THSD7B: variants seen among roughly 807,000 people sequenced by gnomAD.
THSD7B encodes the protein thrombospondin type-1 domain-containing protein 7B.
Under a neutral mutation model 213.6 loss-of-function variants are expected in THSD7B, and 138 were observed. That is an observed-to-expected ratio of 0.65 (90% CI 0.56 to 0.74). The LOEUF (loss-of-function observed/expected upper bound fraction) is 0.74. Ranked by LOEUF, THSD7B falls within the 30% of genes least tolerant of loss-of-function variation. The pLI is 0.00. For synonymous variants in THSD7B, 742 were observed against 687.0 expected (o/e 1.08, Z -1.25); for missense variants, 1,931 against 1,991.5 (o/e 0.97, Z 0.58).
intron 3 of THSD7B, among the ~76,000 whole-genome samples, chr2:137,075,504 C>A (rs1687601594): frequency 6.6e-6 from 1 of 151,998 alleles, no homozygotes; most frequent in Non-Finnish European, 1.5e-5. Context: ...TTTTTCAAAG[C>A]TTTTAACTTC....
intron 12 of THSD7B, among the ~76,000 whole-genome samples, chr2:137,295,828 G>A (rs1028375529): frequency 2.6e-5 from 4 of 152,030 alleles, no homozygotes; most frequent in Non-Finnish European, 5.9e-5. Context: ...TAAATGCTGA[G>A]GTTCCATGGT....
intron 2 of THSD7B, among the ~76,000 whole-genome samples, chr2:136,958,033 C>A (rs916824725): frequency 2.0e-5 from 3 of 151,988 alleles, no homozygotes; most frequent in African/African-American, 7.3e-5. Context: ...ATTTGTCAAA[C>A]CTGTTTTTTT....
intron 12 of THSD7B, among the ~76,000 whole-genome samples, chr2:137,347,889 G>A (rs766701121): frequency 2.6e-5 from 4 of 151,070 alleles, no homozygotes; most frequent in African/African-American, 4.9e-5. Context: ...ATTAAAATTA[G>A]AATTGTCATG....
chr2:137,004,712 T>C (rs1686070263), intron 2 of THSD7B, among the ~76,000 whole-genome samples: 1 of 152,190 alleles, frequency 6.6e-6, no homozygotes, highest in South Asian at 2.1e-4. Flanking sequence ...CAGATAGCTA[T>C]TGGACATTTT....
intron 15 of THSD7B, among the ~76,000 whole-genome samples, chr2:137,510,692 C>T (rs1291365025): frequency 6.6e-6 from 1 of 152,080 alleles, no homozygotes; most frequent in Non-Finnish European, 1.5e-5. Context: ...ATTTCAGTGT[C>T]TCCTTTGGCT....
intron 10 of THSD7B, among the ~76,000 whole-genome samples, chr2:137,250,109 G>A (rs1682139266): frequency 6.6e-6 from 1 of 152,168 alleles, no homozygotes; most frequent in Admixed American, 6.5e-5. Flanking sequence ...AGAAAGGCAA[G>A]CTAGACAAGT....
At chr2:136,839,562 G>A (rs755890276) in intron 1 of THSD7B, among the ~76,000 whole-genome samples, 41 of 152,126 alleles carry the variant, frequency 2.7e-4, no homozygotes, top group Non-Finnish European at 3.4e-4. Flanking sequence ...GAGACTCAGA[G>A]TCTGGCATTG....
At chr2:137,575,740 A>G (rs554102194) in intron 17 of THSD7B, among the ~76,000 whole-genome samples, 1 of 148,324 alleles carries the variant, frequency 6.7e-6, no homozygotes, top group Non-Finnish European at 1.5e-5. Context: ...ATATATATAT[A>G]TATTTTTACT....
chr2:137,673,515 A>T (rs1530527), intron 27 of THSD7B, among the ~76,000 whole-genome samples: 141,130 of 152,154 alleles, frequency 0.93, 65,785 homozygotes, highest in East Asian at 0.98. Flanking sequence ...AGGGAGGTGA[A>T]CATACCTTTT....
chr2:137,397,754 CAG>C (rs1200933846), intron 12 of THSD7B, among the ~76,000 whole-genome samples: 1 of 151,778 alleles, frequency 6.6e-6, no homozygotes, highest in African/African-American at 2.4e-5. Flanking sequence ...TAATATCCTG[CAG>C]AGTGTTTTCC....
rs532979331 is a variant in THSD7B at position 137,572,544 on chromosome 2, C to A, written c.3411C>A (p.Ser1137Arg). 15 of 1,613,778 alleles carry A rather than the reference C, an allele frequency of 9.3e-6. No individual in the cohort carries two copies. The Admixed American group carries it at 2.0e-4, about 22-fold the overall frequency. The change falls in exon 17 of 28, where the codon AGC (serine) becomes AGA (arginine). Residue 1137 changes from serine (S) to arginine (R), a missense_variant. Ser to Arg is a moderately radical substitution (Grantham distance 110). Coordinates refer to ENST00000409968, the MANE Select transcript of THSD7B (RefSeq NM_001316349.2). The stretch of plus-strand genomic sequence containing the variant: ...TCATGTCTGAGTGGGGACTTTGGAG[C>A]AAATGCCCACAGGTAATTTCTCTTT... ...ECVMSEWGLW[S>R]KCPQSCDPHT...
At chr2:137,564,759 G>A (rs900156004) in intron 16 of THSD7B, among the ~76,000 whole-genome samples, 2 of 152,020 alleles carry the variant, frequency 1.3e-5, no homozygotes, top group African/African-American at 2.4e-5. Flanking sequence ...GAACAAGAAG[G>A]CCTTTCAGTC....
intron 2 of THSD7B, among the ~76,000 whole-genome samples, chr2:136,952,120 G>A (rs914160405): frequency 2.0e-5 from 3 of 152,038 alleles, no homozygotes; most frequent in African/African-American, 7.3e-5. Context: ...GTCCACCTCA[G>A]CCTCCCAAAG....
intron 17 of THSD7B, among the ~76,000 whole-genome samples, chr2:137,584,354 G>A (rs191641156): frequency 2.0e-5 from 3 of 152,242 alleles, no homozygotes; most frequent in African/African-American, 7.2e-5. Flanking sequence ...TGATTGCCTT[G>A]GCCAGAACTT....
At chr2:137,635,799 G>A (rs1317472696) in intron 20 of THSD7B, among the ~76,000 whole-genome samples, 5 of 151,882 alleles carry the variant, frequency 3.3e-5, no homozygotes, top group Non-Finnish European at 5.9e-5. Flanking sequence ...CTGCCTTCCA[G>A]GTTCAAGTGA....
chr2:137,648,701 C>T (rs950210695), intron 21 of THSD7B, among the ~76,000 whole-genome samples: 3 of 151,860 alleles, frequency 2.0e-5, no homozygotes, highest in Non-Finnish European at 2.9e-5. Context: ...AGTGCAGTTG[C>T]CTCTTCAATT....
chr2:136,971,764 AT>A (rs1233155617), intron 2 of THSD7B, among the ~76,000 whole-genome samples: 1 of 152,002 alleles, frequency 6.6e-6, no homozygotes, highest in Non-Finnish European at 1.5e-5. Context: ...TTAAAGATAC[AT>A]TCAACTATAA....
chr2:136,994,972 T>C (rs1685857294), intron 2 of THSD7B, among the ~76,000 whole-genome samples: 1 of 152,232 alleles, frequency 6.6e-6, no homozygotes, highest in South Asian at 2.1e-4. Flanking sequence ...AAGCATGTGC[T>C]TTCATGATGC....
At chr2:137,416,686 G>A (rs1686807050) in intron 14 of THSD7B, among the ~76,000 whole-genome samples, 3 of 152,188 alleles carry the variant, frequency 2.0e-5, no homozygotes, top group Admixed American at 6.5e-5. Flanking sequence ...TGAAGTGTGC[G>A]TGCAGTGTAT....
Sources: allele counts gnomAD v4.1 joint callset (sites outside exome capture counted in the v4.1 genomes callset), GRCh38; gene constraint gnomAD v4.1.1; transcripts MANE v1.5; gene names NCBI Gene and HGNC (gene_info 2026-07-23, HGNC 2026-07-21).